The following MAP4K4 variants were observed in gnomAD, a reference collection of about 807,000 sequenced individuals.
MAP4K4 encodes HPK/GCK-like kinase HGK.
MAP4K4 carries 38 observed loss-of-function variants against 189.6 expected under a neutral mutation model. That is an observed-to-expected ratio of 0.20 (90% CI 0.15 to 0.26). The LOEUF (loss-of-function observed/expected upper bound fraction) is 0.26, where lower values mean the gene tolerates loss of function less well. MAP4K4 is among the 10% of genes least tolerant of loss of function. MAP4K4 has a pLI of 1.00. For synonymous variants in MAP4K4, 610 were observed against 624.3 expected (o/e 0.98, Z 0.34); for missense variants, 1,054 against 1,726.9 (o/e 0.61, Z 6.91).
At chr2:101,721,340 G>A (rs750075827) in intron 2 of MAP4K4, among the ~76,000 whole-genome samples, 15 of 151,532 alleles carry the variant, frequency 9.9e-5, no homozygotes, top group South Asian at 4.2e-4. Flanking sequence ...GAGATTGCCC[G>A]TTTTGTAAAG....
At chr2:101,843,844 G>A (rs1171764843) in intron 11 of MAP4K4, among the ~76,000 whole-genome samples, 2 of 152,140 alleles carry the variant, frequency 1.3e-5, no homozygotes, top group Non-Finnish European at 2.9e-5. Flanking sequence ...GAATTGTTAC[G>A]CGAATCCTAA....
chr2:101,845,413 G>T (rs1467768979), intron 12 of MAP4K4, among the ~76,000 whole-genome samples: 1 of 152,018 alleles, frequency 6.6e-6, no homozygotes, highest in African/African-American at 2.4e-5. Flanking sequence ...CTTAATGACG[G>T]GGATACATTC....
intron 3 of MAP4K4, among the ~76,000 whole-genome samples, chr2:101,809,998 A>T (rs1354343527): frequency 6.6e-6 from 1 of 152,264 alleles, no homozygotes; most frequent in African/African-American, 2.4e-5. Flanking sequence ...ATGCTGACCC[A>T]GAGTTCAGTG....
exon 28 of MAP4K4, chr2:101,882,629 A>G (rs749779435): frequency 6.2e-7 from 1 of 1,612,734 alleles, no homozygotes; most frequent in Non-Finnish European, 8.5e-7. Context: ...GAAGTTGAGA[A>G]GAAGCAGGGA....
intron 2 of MAP4K4, among the ~76,000 whole-genome samples, chr2:101,707,991 G>A (rs562660225): frequency 2.0e-5 from 3 of 151,562 alleles, no homozygotes; most frequent in Non-Finnish European, 2.9e-5. Context: ...GTGAGCCATC[G>A]CGCCCAGCCC....
intron 3 of MAP4K4, among the ~76,000 whole-genome samples, chr2:101,816,457 G>T (rs2095722772): frequency 6.6e-6 from 1 of 152,064 alleles, no homozygotes; most frequent in African/African-American, 2.4e-5. Flanking sequence ...TGTTTTTAAG[G>T]TTTTAGACAA....
chr2:101,845,764 T>TAGA (rs1483189378), intron 12 of MAP4K4, among the ~76,000 whole-genome samples: 5 of 152,250 alleles, frequency 3.3e-5, no homozygotes, highest in Non-Finnish European at 7.3e-5. Context: ...GACTGGCTTC[T>TAGA]GCTGCATACC....
chr2:101,732,483 A>T (rs996747649), intron 2 of MAP4K4, among the ~76,000 whole-genome samples: 1 of 152,064 alleles, frequency 6.6e-6, no homozygotes, highest in Non-Finnish European at 1.5e-5. Flanking sequence ...CCCTAGCCCC[A>T]TGCAACTGCA....
chr2:101,860,045 T>A, intron 15 of MAP4K4, 181 bp downstream of exon 15: 1 of 651,414 alleles, frequency 1.5e-6, no homozygotes, highest in Non-Finnish European at 2.7e-6. Flanking sequence ...GGTTTCATAT[T>A]CAGTCAGTGC....
At chr2:101,699,814 T>C (rs1030728282) in intron 2 of MAP4K4, among the ~76,000 whole-genome samples, 1 of 152,226 alleles carries the variant, frequency 6.6e-6, no homozygotes, top group African/African-American at 2.4e-5. Context: ...AGCTTGTGTT[T>C]TGTTGGTTAA....
chr2:101,892,306 C>T (rs2098582475), exon 33 of MAP4K4: 1 of 152,800 alleles, frequency 6.5e-6, no homozygotes, highest in Non-Finnish European at 1.5e-5. Context: ...CCAAAACGAC[C>T]AGATTGAAGT....
At chr2:101,706,151 T>A (rs1041256333) in intron 2 of MAP4K4, among the ~76,000 whole-genome samples, 8 of 152,194 alleles carry the variant, frequency 5.3e-5, no homozygotes, top group Non-Finnish European at 1.0e-4. Flanking sequence ...TCCAGAAGCA[T>A]GTTTTCAGTG....
At chr2:101,888,929 T>C in exon 32 of MAP4K4, 1 of 1,611,464 alleles carries the variant, frequency 6.2e-7, no homozygotes, top group South Asian at 1.1e-5. Context: ...GTGAACGCAA[T>C]GACAAGGTAA....
At chr2:101,891,426 C>T in exon 33 of MAP4K4, 2 of 571,450 alleles carry the variant, frequency 3.5e-6, no homozygotes, top group South Asian at 4.5e-5. Flanking sequence ...CCAGTTTATC[C>T]CCATTCTTTT....
intron 2 of MAP4K4, among the ~76,000 whole-genome samples, chr2:101,780,281 T>A (rs2086671316): frequency 6.6e-6 from 1 of 152,200 alleles, no homozygotes; most frequent in South Asian, 2.1e-4. Context: ...TCTTGCCTTT[T>A]GATTTGTGTA....
intron 2 of MAP4K4, among the ~76,000 whole-genome samples, chr2:101,789,453 A>G (rs552536198): frequency 5.3e-5 from 8 of 152,132 alleles, no homozygotes; most frequent in Non-Finnish European, 1.0e-4. Flanking sequence ...CACTACTATG[A>G]TCTCACTTAT....
chr2:101,771,206 C>G (rs766898633), intron 2 of MAP4K4, among the ~76,000 whole-genome samples: 41 of 152,132 alleles, frequency 2.7e-4, no homozygotes, highest in Non-Finnish European at 5.4e-4. Context: ...ATTTATAAAA[C>G]CCAGAAAGCC....
In MAP4K4 at chr2:101,771,698, C is replaced by T. The variant is rs116791667; in HGVS notation, c.124-19022C>T. On this transcript the variant is annotated intron_variant, in intron 2 of 32. Coordinates refer to ENST00000324219, the Ensembl canonical transcript of MAP4K4. ...CATGCAGTTTAGTTGTACAATGACT[C>T]CAGCAATTAATGAGGCCAGATTGAT... is the stretch of plus-strand genomic sequence containing the variant. 6.6e-3 allele frequency among the ~76,000 whole-genome samples: 1,004 copies of T among 152,266 alleles called. 11 individuals are homozygous for T. The highest frequency in any genetic ancestry group is 0.023 in the African/African-American group (971 of 41,548).
At chr2:101,834,675 T>TAG (rs1324337020) in intron 8 of MAP4K4, among the ~76,000 whole-genome samples, 1 of 152,236 alleles carries the variant, frequency 6.6e-6, no homozygotes, top group African/African-American at 2.4e-5. Context: ...AGGAGGCCTA[T>TAG]AGGCTACATT....
Sources: gnomAD v4.1 joint callset for allele counts (sites outside exome capture counted in the v4.1 genomes callset) on GRCh38, gnomAD v4.1.1 for gene constraint, MANE v1.5 for transcripts, NCBI Gene and HGNC (gene_info 2026-07-23, HGNC 2026-07-21) for gene names.